Variants in OSBPL1A observed in about 807,000 individuals in gnomAD.
The protein encoded by OSBPL1A is oxysterol-binding protein-related protein 1.
A neutral mutation model predicts 137.1 loss-of-function variants in OSBPL1A; 80 were observed. The observed-to-expected ratio is 0.58, with a 90% CI of 0.49 to 0.70. The LOEUF is 0.70. OSBPL1A is among the 30% of genes least tolerant of loss of function. The pLI, the probability that OSBPL1A is intolerant of heterozygous loss-of-function variation, is 0.00. For missense variants in OSBPL1A, 970 were observed against 1,129.4 expected (o/e 0.86, Z 2.02); for synonymous variants, 365 against 389.7 (o/e 0.94, Z 0.75).
At chr18:24,279,366 C>T (rs932789427) in intron 15 of OSBPL1A, among the ~76,000 whole-genome samples, 1 of 151,634 alleles carries the variant, frequency 6.6e-6, no homozygotes, top group Admixed American at 6.6e-5. Context: ...GAGGCTGAGG[C>T]TGCAGTGAGC....
chr18:24,245,810 T>C (rs2088862785), intron 15 of OSBPL1A, among the ~76,000 whole-genome samples: 1 of 152,236 alleles, frequency 6.6e-6, no homozygotes, highest in Admixed American at 6.5e-5. Flanking sequence ...AATGTCCTCC[T>C]TCCATCTCAT....
chr18:24,166,139 GATT>G (rs1425166883), intron 26 of OSBPL1A, among the ~76,000 whole-genome samples: 1 of 152,082 alleles, frequency 6.6e-6, no homozygotes, highest in Non-Finnish European at 1.5e-5. Context: ...ACCCTGATGT[GATT>G]ATTACATATT....
At chr18:24,217,831 A>G (rs2087757088) in intron 17 of OSBPL1A, among the ~76,000 whole-genome samples, 1 of 152,168 alleles carries the variant, frequency 6.6e-6, no homozygotes, top group Middle Eastern at 3.2e-3. Context: ...TTGTGTACCT[A>G]TGAATTTTGT....
intron 7 of OSBPL1A, among the ~76,000 whole-genome samples, chr18:24,328,227 T>TA (rs1357840667): frequency 9.8e-5 from 11 of 112,450 alleles, no homozygotes; most frequent in Non-Finnish European, 2.0e-4. Context: ...TATTTTTTTT[T>TA]TTTTTTTTTT....
intron 17 of OSBPL1A, 128 bp from the exon 18 acceptor site, chr18:24,196,328 C>T (rs1438828857): frequency 3.1e-6 from 2 of 636,002 alleles, no homozygotes; most frequent in East Asian, 5.6e-5. Flanking sequence ...TCATCACAGA[C>T]AGGGCTAAGC....
At chr18:24,280,503 A>C (rs1176739823) in intron 15 of OSBPL1A, among the ~76,000 whole-genome samples, 9 of 152,226 alleles carry the variant, frequency 5.9e-5, no homozygotes, top group Non-Finnish European at 1.0e-4. Flanking sequence ...ATAGTACTCT[A>C]TTTTCTAAAT....
intron 1 of OSBPL1A, among the ~76,000 whole-genome samples, chr18:24,382,119 G>A (rs1051106108): frequency 6.6e-5 from 10 of 151,716 alleles, no homozygotes; most frequent in African/African-American, 2.4e-4. Flanking sequence ...CTAGGCATGA[G>A]GCTGGGCGCA....
intron 4 of OSBPL1A, among the ~76,000 whole-genome samples, chr18:24,359,230 C>G (rs1251044881): frequency 6.6e-6 from 1 of 151,302 alleles, no homozygotes; most frequent in African/African-American, 2.4e-5. Context: ...GAGAAAGAGA[C>G]AGAGACAGAG....
rs767083994 is a variant in OSBPL1A, at chr18:24,367,002, T to C, written c.208-36A>G. On this transcript the variant is annotated intron_variant, in intron 3 of 27. Transcript: ENST00000319481. ...TGACCACTTTAAATACCAAGAAATA[T>C]ACAATGGTGAAAATCATTCCTTCAA... 4.6e-5 allele frequency: 71 copies of C among 1,535,380 alleles called. 1 individual carries two copies. In the East Asian group the frequency reaches 9.3e-4, roughly 20 times the overall value.
intron 4 of OSBPL1A, among the ~76,000 whole-genome samples, chr18:24,356,878 C>G (rs1288259992): frequency 6.6e-6 from 1 of 152,174 alleles, no homozygotes; most frequent in African/African-American, 2.4e-5. Flanking sequence ...CTTCCAGAAA[C>G]TCAACCAAAT....
intron 14 of OSBPL1A, among the ~76,000 whole-genome samples, chr18:24,283,761 A>G (rs1356841681): frequency 6.6e-6 from 1 of 152,172 alleles, no homozygotes; most frequent in East Asian, 1.9e-4. Flanking sequence ...ATAACCATTC[A>G]TAGATATAGT....
At chr18:24,181,628 C>CAA (rs2086606002) in intron 18 of OSBPL1A, among the ~76,000 whole-genome samples, 1 of 152,188 alleles carries the variant, frequency 6.6e-6, no homozygotes, top group Non-Finnish European at 1.5e-5. Flanking sequence ...CAAAATTCTT[C>CAA]ATAGTGGTGT....
intron 7 of OSBPL1A, chr18:24,321,892 T>C (rs190140922): frequency 3.6e-5 from 12 of 335,940 alleles, no homozygotes; most frequent in Middle Eastern, 1.1e-3. Context: ...AATTATGCTA[T>C]TTGATTTCTG....
chr18:24,390,694 C>CAAAAAAAAAAAAAAAAAAA (rs751432894), intron 1 of OSBPL1A, among the ~76,000 whole-genome samples: 4 of 56,202 alleles, frequency 7.1e-5, no homozygotes, highest in East Asian at 4.3e-4. Flanking sequence ...GACTCCGTCT[C>CAAAAAAAAAAAAAAAAAAA]AAAAAAAAAA....
In OSBPL1A at chr18:24,314,298, G is replaced by T; in HGVS notation, c.920C>A (p.Thr307Asn). The T allele has an allele frequency of 6.2e-7, 1 of 1,612,172 alleles. No homozygotes were observed. Among genetic ancestry groups the T allele is most frequent in the Non-Finnish European group, 8.5e-7 (1 of 1,179,376 alleles). The part of the protein sequence containing the change: ...CLFFIKCFDD[T>N]IHGFRVPKNS... ...CTTAGGAACCCGGAAGCCATGAATG[G>T]TGTCATCAAAGCATTTAATAAAGAA... is the stretch of plus-strand genomic sequence containing the variant. The change falls in exon 12 of 28, where the codon ACC becomes AAC. Residue 307 changes from threonine (T) to asparagine (N), a missense_variant. By Grantham distance (65) the Thr-to-Asn change is moderately conservative. Coordinates refer to ENST00000319481, the MANE Select transcript of OSBPL1A (RefSeq NM_080597.4).
At chr18:24,287,623 A>T (rs1427700167) in intron 14 of OSBPL1A, among the ~76,000 whole-genome samples, 1 of 151,876 alleles carries the variant, frequency 6.6e-6, no homozygotes, top group African/African-American at 2.4e-5. Flanking sequence ...AAATACAAAA[A>T]TTAGCTGGGC....
At chr18:24,221,115 T>A (rs1384050711) in intron 17 of OSBPL1A, among the ~76,000 whole-genome samples, 3 of 152,246 alleles carry the variant, frequency 2.0e-5, no homozygotes, top group Admixed American at 1.3e-4. Flanking sequence ...GGTAGTTTTA[T>A]TCTAGTGATT....
At chr18:24,249,317 A>G (rs1018616385) in intron 15 of OSBPL1A, among the ~76,000 whole-genome samples, 10 of 152,210 alleles carry the variant, frequency 6.6e-5, no homozygotes, top group Non-Finnish European at 1.5e-4. Context: ...AAAGGGTTTT[A>G]TGTATCATCA....
intron 17 of OSBPL1A, among the ~76,000 whole-genome samples, chr18:24,216,646 C>A (rs903030089): frequency 5.9e-5 from 9 of 152,140 alleles, no homozygotes; most frequent in African/African-American, 2.2e-4. Flanking sequence ...TCTTAAATTC[C>A]AGTTTCAAAG....
Sources: gnomAD v4.1 joint callset for allele counts (sites outside exome capture counted in the v4.1 genomes callset) on GRCh38, gnomAD v4.1.1 for gene constraint, MANE v1.5 for transcripts, NCBI Gene and HGNC (gene_info 2026-07-23, HGNC 2026-07-21) for gene names.